Variants in MLLT3 observed in about 807,000 individuals in gnomAD.
MLLT3 encodes MLLT3 super elongation complex subunit, also known as protein AF-9.
MLLT3 carries 4 observed loss-of-function variants against 53.2 expected under a neutral mutation model. That is an observed-to-expected ratio of 0.08 (90% CI 0.04 to 0.17). MLLT3 has a LOEUF of 0.17. Among genes scored for constraint, MLLT3 ranks in the 10% least tolerant of loss-of-function variants. MLLT3 has a pLI of 1.00. For synonymous variants in MLLT3, 283 were observed against 230.6 expected (o/e 1.23, Z -2.06); for missense variants, 569 against 684.0 (o/e 0.83, Z 1.87).
At chr9:20,450,588 G>C (rs1041091699) in intron 3 of MLLT3, among the ~76,000 whole-genome samples, 1 of 152,022 alleles carries the variant, frequency 6.6e-6, no homozygotes, top group Non-Finnish European at 1.5e-5. Flanking sequence ...CACAAGTAGT[G>C]CTCCCCACAC....
intron 2 of MLLT3, among the ~76,000 whole-genome samples, chr9:20,564,967 T>C (rs1819310925): frequency 6.6e-6 from 1 of 152,172 alleles, no homozygotes; most frequent in Non-Finnish European, 1.5e-5. Context: ...TACATTAAAC[T>C]CAGCTTACAC....
Position 20,471,217 on chromosome 9 carries a change from AT to A in MLLT3, c.194-14432del, listed in dbSNP as rs549524593. Among the ~76,000 whole-genome samples the A allele has an allele frequency of 2.2e-3, 339 of 152,118 alleles. 5 individuals carry two copies. In the Middle Eastern group the frequency reaches 0.051, roughly 23 times the overall value. On this transcript the variant is annotated intron_variant, in intron 2 of 10. Transcript: ENST00000380338. ...TGTGCTGGATGCTTATATGAAAAGT[AT>A]TTTTTTCTTTTTGCTTATTTGGATC...
chr9:20,365,967 G>A (rs1168245875), intron 5 of MLLT3, among the ~76,000 whole-genome samples: 1 of 152,092 alleles, frequency 6.6e-6, no homozygotes, highest in Non-Finnish European at 1.5e-5. Flanking sequence ...AAACACTTGG[G>A]TGTTACATGA....
intron 10 of MLLT3, 40 bp downstream of exon 10, chr9:20,353,485 G>T (rs756405671): frequency 1.9e-6 from 3 of 1,571,106 alleles, no homozygotes; most frequent in Non-Finnish European, 2.6e-6. Flanking sequence ...ACCAAGTCTT[G>T]AAGTTTCTGG....
At chr9:20,544,567 G>GA (rs1474160433) in intron 2 of MLLT3, among the ~76,000 whole-genome samples, 2 of 152,128 alleles carry the variant, frequency 1.3e-5, no homozygotes, top group East Asian at 1.9e-4. Flanking sequence ...GGCCACTACT[G>GA]AAAAAACAGA....
At chr9:20,434,625 T>C (rs1306233516) in intron 4 of MLLT3, among the ~76,000 whole-genome samples, 2 of 152,204 alleles carry the variant, frequency 1.3e-5, no homozygotes, top group East Asian at 3.8e-4. Flanking sequence ...CGAAATGCCA[T>C]CCTGAAAGGA....
chr9:20,399,642 C>T (rs1822405687), intron 5 of MLLT3, among the ~76,000 whole-genome samples: 1 of 151,952 alleles, frequency 6.6e-6, no homozygotes, highest in Admixed American at 6.6e-5. Flanking sequence ...GGACATGAGA[C>T]AGCATGGAAT....
chr9:20,422,345 T>C lies in MLLT3; in HGVS notation c.421-7920A>G, dbSNP rs541150138. 3.9e-5 allele frequency among the ~76,000 whole-genome samples: 6 copies of C among 152,312 alleles called. No individual in the cohort carries two copies. The South Asian group carries it at 1.2e-3, about 32-fold the overall frequency. The stretch of plus-strand genomic sequence containing the variant: ...CAGAAAGTTAGAGGGAACTCTACAA[T>C]ATATCCTCGCAGATCCAAAATAATA... On this transcript the variant is annotated intron_variant, in intron 4 of 10. Transcript: ENST00000380338.
At chr9:20,463,747 T>C (rs1260329058) in intron 2 of MLLT3, among the ~76,000 whole-genome samples, 1 of 152,090 alleles carries the variant, frequency 6.6e-6, no homozygotes, top group Non-Finnish European at 1.5e-5. Flanking sequence ...TTATTGAAAA[T>C]AATACAAATG....
intron 2 of MLLT3, among the ~76,000 whole-genome samples, chr9:20,511,937 G>A (rs1487962763): frequency 6.6e-6 from 1 of 152,100 alleles, no homozygotes; most frequent in African/African-American, 2.4e-5. Flanking sequence ...CCTCAGAATT[G>A]CATTACCAGT....
chr9:20,355,514 G>C (rs141357866), intron 8 of MLLT3, among the ~76,000 whole-genome samples: 27 of 152,308 alleles, frequency 1.8e-4, no homozygotes, highest in Middle Eastern at 3.4e-3. Flanking sequence ...TTTACATACT[G>C]TATAGAAGCT....
At chr9:20,559,059 G>C (rs949139104) in intron 2 of MLLT3, among the ~76,000 whole-genome samples, 2 of 152,174 alleles carry the variant, frequency 1.3e-5, no homozygotes, top group African/African-American at 4.8e-5. Flanking sequence ...CCACCTTTAT[G>C]GCCCAGGAAC....
At chr9:20,532,094 C>T (rs994847007) in intron 2 of MLLT3, among the ~76,000 whole-genome samples, 4 of 152,016 alleles carry the variant, frequency 2.6e-5, no homozygotes, top group Admixed American at 1.3e-4. Flanking sequence ...GATTTGTTAA[C>T]GGCCCCTAAA....
chr9:20,537,659 T>C (rs941683342), intron 2 of MLLT3, among the ~76,000 whole-genome samples: 7 of 152,146 alleles, frequency 4.6e-5, no homozygotes, highest in Non-Finnish European at 1.0e-4. Flanking sequence ...CTAATTCAGA[T>C]ATAAAGCAAT....
chr9:20,581,628 G>T (rs1420400597), intron 2 of MLLT3, among the ~76,000 whole-genome samples: 2 of 152,060 alleles, frequency 1.3e-5, no homozygotes, highest in Non-Finnish European at 2.9e-5. Context: ...TAGGCCCCTG[G>T]CAGCCAATCA....
intron 6 of MLLT3, among the ~76,000 whole-genome samples, chr9:20,365,221 T>C (rs977977014): frequency 2.0e-5 from 3 of 152,176 alleles, no homozygotes; most frequent in South Asian, 2.1e-4. Context: ...ATCAGAACAA[T>C]ACTCAACTGT....
At chr9:20,533,767 A>C (rs898578553) in intron 2 of MLLT3, among the ~76,000 whole-genome samples, 1 of 152,240 alleles carries the variant, frequency 6.6e-6, no homozygotes, top group Non-Finnish European at 1.5e-5. Flanking sequence ...ATGAACCTGG[A>C]GGACATTATG....
intron 2 of MLLT3, among the ~76,000 whole-genome samples, chr9:20,534,694 G>A (rs1001805444): frequency 3.3e-5 from 5 of 152,028 alleles, no homozygotes; most frequent in East Asian, 1.9e-4. Flanking sequence ...AGACCATCCC[G>A]GATAACACAG....
chr9:20,452,405 C>T (rs116451634), intron 3 of MLLT3, among the ~76,000 whole-genome samples: 1,824 of 152,168 alleles, frequency 0.012, 40 homozygotes, highest in African/African-American at 0.041. Flanking sequence ...TGAAGAAAGA[C>T]GTGTTTGCTT....
Sources: gnomAD v4.1 joint callset for allele counts (sites outside exome capture counted in the v4.1 genomes callset) on GRCh38, gnomAD v4.1.1 for gene constraint, MANE v1.5 for transcripts, NCBI Gene and HGNC (gene_info 2026-07-23, HGNC 2026-07-21) for gene names.